The following TAT variants were observed in gnomAD, a reference collection of about 807,000 sequenced individuals.
TAT encodes tyrosine aminotransferase, also known as L-tyrosine:2-oxoglutarate aminotransferase.
Under a neutral mutation model 53.6 loss-of-function variants are expected in TAT, and 35 were observed. The ratio of observed to expected loss-of-function variants is 0.65; its 90% CI spans 0.50 to 0.87. The LOEUF is 0.87. Among genes scored for constraint, TAT ranks in the 40% least tolerant of loss-of-function variants. TAT has a pLI of 0.00. For missense variants in TAT, 525 were observed against 571.8 expected (o/e 0.92, Z 0.83); for synonymous variants, 197 against 206.5 (o/e 0.95, Z 0.39).
intron 3 of TAT, 175 bp downstream of exon 3, chr16:71,575,747 C>T (rs2044230526): frequency 1.4e-6 from 1 of 704,172 alleles, no homozygotes; most frequent in Non-Finnish European, 2.5e-6. Context: ...ACCTTGATGC[C>T]TTGTATTTAA....
In TAT at chr16:71,570,746, C is replaced by T; in HGVS notation, c.845G>A (p.Trp282Ter). The T allele has an allele frequency of 1.9e-6, 3 of 1,614,206 alleles. No homozygotes were observed. The South Asian group carries it at 3.3e-5, about 18-fold the overall frequency. Residue 282 changes from tryptophan to a stop codon, truncating the protein, a stop_gained, in exon 8 of 12, where the codon TGG becomes TAG. Coordinates refer to ENST00000355962, the MANE Select transcript of TAT (RefSeq NM_000353.3). LOFTEE classifies it high-confidence loss of function. ...GCCCAACCTCCAGCCAGGAACCAGC[C>T]AGCGCTTGGCCAGCCCTCCACAGGA... ...ILSCGGLAKR[W>*]LVPGWRLGWI...
chr16:71,572,896 G>C (rs910234454), intron 4 of TAT, among the ~76,000 whole-genome samples: 2 of 152,194 alleles, frequency 1.3e-5, no homozygotes. Context: ...CTTTAAAAAG[G>C]ATAGGTTGGC....
chr16:71,567,094 C>T lies in TAT; in HGVS notation c.*1050G>A, dbSNP rs1275783686. On this transcript the variant is annotated 3_prime_UTR_variant, in exon 12 of 12. Coordinates refer to ENST00000355962, the MANE Select transcript of TAT (RefSeq NM_000353.3). ...TCTCTGATTCCTGCTTGCTCTAGTACAGGCGTGCTCTCACTTTAAGAAAGC... is the reference window on the plus strand; with the variant it reads ...TCTCTGATTCCTGCTTGCTCTAGTATAGGCGTGCTCTCACTTTAAGAAAGC... 1 of 152,196 alleles carries T rather than the reference C, an allele frequency of 6.6e-6. No individual in the cohort carries two copies. The highest frequency in any genetic ancestry group is 1.5e-5 in the Non-Finnish European group (1 of 68,044). The allele number at this position is 152,196 out of a possible 1,614,324, so 9.4% of individuals were successfully genotyped here. A position where few individuals can be genotyped will look rare whatever the true frequency, so the allele number is the denominator to read the frequency against.
In TAT at chr16:71,566,948, G is replaced by T. The variant is rs1653325544; in HGVS notation, c.*1196C>A. The T allele has an allele frequency of 6.6e-6, 1 of 150,850 alleles. No homozygotes were observed. The highest frequency in any genetic ancestry group is 2.4e-5 in the African/African-American group (1 of 41,172). 9.3% of individuals were successfully genotyped at this position (150,850 alleles called of 1,614,324 possible). A position where few individuals can be genotyped will look rare whatever the true frequency, so the allele number is the denominator to read the frequency against. The stretch of plus-strand genomic sequence containing the variant: ...TCAATATAAATGTTTCTTAGAAAAT[G>T]TATGAAAAGATAATATATATTAATA... On this transcript the variant is annotated 3_prime_UTR_variant, in exon 12 of 12. Transcript: ENST00000355962.
In TAT at chr16:71,566,891, A is replaced by T; in HGVS notation, c.*1253T>A. On this transcript the variant is annotated 3_prime_UTR_variant, in exon 12 of 12. Transcript: ENST00000355962. The stretch of plus-strand genomic sequence containing the variant: ...TTAAAAAAAAAAAAAGAAAAACAAT[A>T]ATTTATGCCCTTGGCAAAATAAAAG... 6.6e-6 allele frequency: 1 copy of T among 151,956 alleles called. No homozygotes were observed. The highest frequency in any genetic ancestry group is 2.1e-4 in the South Asian group (1 of 4,824). 9.4% of individuals were successfully genotyped at this position (151,956 alleles called of 1,614,324 possible).
At chr16:71,576,824 A>G (rs1282638490) in intron 1 of TAT, among the ~76,000 whole-genome samples, 185 bp downstream of exon 1, 2 of 152,212 alleles carry the variant, frequency 1.3e-5, no homozygotes, top group Non-Finnish European at 2.9e-5. Context: ...TCTGCAGAGG[A>G]CCAGGAAGAA....
At position 71,567,988 on chromosome 16, in the gene TAT, G is replaced by C; in HGVS notation, c.*156C>G. 1 of 799,454 alleles carries C rather than the reference G, an allele frequency of 1.3e-6. No individual in the cohort carries two copies. Among genetic ancestry groups the C allele is most frequent in the Non-Finnish European group, 2.1e-6 (1 of 477,446 alleles). 49.5% of individuals were successfully genotyped at this position (799,454 alleles called of 1,614,324 possible). A position where few individuals can be genotyped will look rare whatever the true frequency, so the allele number is the denominator to read the frequency against. The stretch of plus-strand genomic sequence containing the variant: ...ATGAGGAGGATCTGAGTGTGGGTGT[G>C]GTTGTACTTGGGGAAAAGCAGGAAC... On this transcript the variant is annotated 3_prime_UTR_variant, in exon 12 of 12. Transcript: ENST00000355962.
At chr16:71,568,310 T>C in intron 11 of TAT, 26 bp from the exon 12 acceptor site, 1 of 1,613,500 alleles carries the variant, frequency 6.2e-7, no homozygotes, top group Non-Finnish European at 8.5e-7. Context: ...TCTGTTACTT[T>C]CAGAGCAATT....
At position 71,571,786 on chromosome 16, in the gene TAT, A is replaced by G. The variant is rs1182705054; in HGVS notation, c.707-128T>C. On this transcript the variant is annotated intron_variant, in intron 6 of 11. Transcript: ENST00000355962. ...TACAATTCTTAAAGAGAAAGACAAAAAGCACAAGCAAAGTGTGATTTGCAT... is the reference window on the plus strand; with the variant it reads ...TACAATTCTTAAAGAGAAAGACAAAGAGCACAAGCAAAGTGTGATTTGCAT... The G allele has an allele frequency of 4.3e-6, 4 of 938,144 alleles. No individual in the cohort carries two copies. In the African/African-American group the frequency reaches 6.5e-5, roughly 15 times the overall value. 58.1% of individuals were successfully genotyped at this position (938,144 alleles called of 1,614,324 possible). A position where few individuals can be genotyped will look rare whatever the true frequency, so the allele number is the denominator to read the frequency against.
intron 11 of TAT, 123 bp downstream of exon 11, chr16:71,568,588 G>T (rs572447419): frequency 2.4e-6 from 2 of 847,486 alleles, no homozygotes; most frequent in African/African-American, 1.7e-5. Context: ...ACATCAGTTT[G>T]AATCTTATCA....
chr16:71,576,104 C>T, intron 2 of TAT, 77 bp downstream of exon 2: 1 of 1,607,044 alleles, frequency 6.2e-7, no homozygotes, highest in Non-Finnish European at 8.5e-7. Context: ...CCCCCAACTG[C>T]CATCTTCTCC....
rs1020878839 is a variant in TAT at position 71,566,957 on chromosome 16, G to T, written c.*1187C>A. The T allele has an allele frequency of 6.6e-5, 10 of 150,616 alleles. No individual in the cohort carries two copies. The highest frequency in any genetic ancestry group is 2.2e-4 in the African/African-American group (9 of 41,090). The allele number at this position is 150,616 out of a possible 1,614,324, so 9.3% of individuals were successfully genotyped here. On this transcript the variant is annotated 3_prime_UTR_variant, in exon 12 of 12. Transcript: ENST00000355962. Reference sequence around the variant, plus strand: ...ATGTTTCTTAGAAAATGTATGAAAAGATAATATATATTAATAAATCAATAT... The same window carrying T: ...ATGTTTCTTAGAAAATGTATGAAAATATAATATATATTAATAAATCAATAT...
chr16:71,575,284 G>A (rs1349138264), intron 3 of TAT: 1 of 153,522 alleles, frequency 6.5e-6, no homozygotes, highest in East Asian at 1.9e-4. Flanking sequence ...GAAAGTCAAG[G>A]AATCATGTAC....
chr16:71,576,122 C>G, intron 2 of TAT, 59 bp downstream of exon 2: 1 of 1,608,502 alleles, frequency 6.2e-7, no homozygotes. Context: ...TCCAACCAGC[C>G]TGTGAACATG....
chr16:71,575,056 T>C (rs1229960464), intron 3 of TAT: 2 of 152,250 alleles, frequency 1.3e-5, no homozygotes, highest in African/African-American at 2.4e-5. Context: ...TTAAAGTCAT[T>C]AGAAACTTTT....
At position 71,571,645 on chromosome 16, in the gene TAT, C is replaced by A; in HGVS notation, c.720G>T (p.Gln240His). 6.2e-7 allele frequency: 1 copy of A among 1,614,198 alleles called. No individual in the cohort carries two copies. The highest frequency in any genetic ancestry group is 8.5e-7 in the Non-Finnish European group (1 of 1,180,030). Residue 240 changes from glutamine (Q) to histidine (H), a missense_variant, in exon 7 of 12, where the codon CAG (glutamine) becomes CAT (histidine). Transcript: ENST00000355962. Reference sequence around the variant, plus strand: ...TCTCATCAGCTAAGATGGGGACACACTGCCGTGCAGCCACTGAAAATAAAA... The same window carrying A: ...TCTCATCAGCTAAGATGGGGACACAATGCCGTGCAGCCACTGAAAATAAAA... ...LQKILAVAAR[Q>H]CVPILADEIY...
In TAT at chr16:71,572,407, G is replaced by A. The variant is rs922989027; in HGVS notation, c.568-83C>T. 1.7e-5 allele frequency: 27 copies of A among 1,605,454 alleles called. 1 individual carries two copies. The highest frequency in any genetic ancestry group is 3.3e-4 in the Middle Eastern group (2 of 5,980). ...CACTTATCTCAAGGGTCCAATGTAAGCAATAAAGTCTGTCTCTGGCTTCAA... is the reference window on the plus strand; with the variant it reads ...CACTTATCTCAAGGGTCCAATGTAAACAATAAAGTCTGTCTCTGGCTTCAA... On this transcript the variant is annotated intron_variant, in intron 5 of 11. Coordinates refer to ENST00000355962, the MANE Select transcript of TAT (RefSeq NM_000353.3).
chr16:71,570,602 A>C (rs969751213), intron 8 of TAT, 77 bp downstream of exon 8: 36 of 1,603,776 alleles, frequency 2.2e-5, no homozygotes, highest in Admixed American at 3.4e-5. Context: ...AAAAGAAAAA[A>C]GCCTCCCTTG....
chr16:71,568,650 A>C, intron 11 of TAT, 61 bp downstream of exon 11: 1 of 1,353,280 alleles, frequency 7.4e-7, no homozygotes, highest in Non-Finnish European at 1.0e-6. Context: ...AAACCAGCTC[A>C]GAACTTGCTT....
Sources: gnomAD v4.1 joint callset for allele counts (sites outside exome capture counted in the v4.1 genomes callset) on GRCh38, gnomAD v4.1.1 for gene constraint, MANE v1.5 for transcripts, NCBI Gene and HGNC (gene_info 2026-07-23, HGNC 2026-07-21) for gene names.